Variants in LAMA2 observed in about 807,000 individuals in gnomAD.
LAMA2 encodes laminin subunit alpha 2.
A neutral mutation model predicts 364.8 loss-of-function variants in LAMA2; 269 were observed. The observed-to-expected ratio is 0.74, with a 90% CI of 0.67 to 0.82. The LOEUF is 0.82. Among genes scored for constraint, LAMA2 ranks in the 40% least tolerant of loss-of-function variants. The pLI, the probability that LAMA2 is intolerant of heterozygous loss-of-function variation, is 0.00. For synonymous variants in LAMA2, 1,379 were observed against 1,370.6 expected (o/e 1.01, Z -0.14); for missense variants, 3,807 against 3,873.2 (o/e 0.98, Z 0.45).
intron 19 of LAMA2, among the ~76,000 whole-genome samples, chr6:129,290,700 A>G (rs1789633257): frequency 6.6e-6 from 1 of 152,168 alleles, no homozygotes; most frequent in East Asian, 1.9e-4. Flanking sequence ...CATTAAAAAT[A>G]TAGGGTACAT....
intron 1 of LAMA2, among the ~76,000 whole-genome samples, chr6:129,028,368 A>C (rs745900058): frequency 4.0e-5 from 6 of 151,794 alleles, no homozygotes; most frequent in Non-Finnish European, 7.4e-5. Context: ...TACATTAGGC[A>C]GATATATTAT....
At chr6:129,342,654 A>C (rs1447464798) in intron 30 of LAMA2, among the ~76,000 whole-genome samples, 187 bp downstream of exon 30, 2 of 152,136 alleles carry the variant, frequency 1.3e-5, no homozygotes, top group East Asian at 3.9e-4. Context: ...TTTTCCTTTG[A>C]AACTCTGTCC....
intron 9 of LAMA2, among the ~76,000 whole-genome samples, chr6:129,177,052 T>C (rs1279625218): frequency 2.0e-5 from 3 of 152,204 alleles, no homozygotes; most frequent in African/African-American, 7.2e-5. Flanking sequence ...TTAGTTGTAT[T>C]CATTCATCCT....
chr6:129,250,586 T>G (rs1786108143), intron 13 of LAMA2, among the ~76,000 whole-genome samples: 1 of 152,172 alleles, frequency 6.6e-6, no homozygotes, highest in South Asian at 2.1e-4. Flanking sequence ...TTGTTTATAT[T>G]AGATAAAATA....
intron 12 of LAMA2, among the ~76,000 whole-genome samples, chr6:129,211,519 T>C (rs192965653): frequency 4.3e-4 from 65 of 152,318 alleles, no homozygotes; most frequent in African/African-American, 1.5e-3. Flanking sequence ...CAGAGACCAT[T>C]CTGGACTTAT....
intron 2 of LAMA2, among the ~76,000 whole-genome samples, chr6:129,056,971 G>A (rs887344610): frequency 2.0e-5 from 3 of 151,470 alleles, no homozygotes; most frequent in Non-Finnish European, 4.4e-5. Context: ...GACCTCAGGT[G>A]ATCTGCCCAC....
chr6:129,404,009 A>G (rs1429084433), intron 40 of LAMA2, 50 bp downstream of exon 40: 1 of 1,603,682 alleles, frequency 6.2e-7, no homozygotes, highest in Admixed American at 1.7e-5. Flanking sequence ...ACCTTTTTGA[A>G]TTTTTCAAAT....
chr6:129,321,835 TTAAAAA>T (rs1157863818), intron 28 of LAMA2, among the ~76,000 whole-genome samples: 1 of 152,172 alleles, frequency 6.6e-6, no homozygotes, highest in African/African-American at 2.4e-5. Flanking sequence ...GAAGTGCAAC[TTAAAAA>T]TAATGAGTAT....
chr6:129,254,745 A>T (rs140850450), intron 14 of LAMA2, among the ~76,000 whole-genome samples: 5 of 152,348 alleles, frequency 3.3e-5, no homozygotes, highest in African/African-American at 4.8e-5. Flanking sequence ...TTCTTTTAAG[A>T]ATATAAGAGA....
chr6:129,343,965 T>C (rs1776408053), intron 30 of LAMA2, among the ~76,000 whole-genome samples: 1 of 152,122 alleles, frequency 6.6e-6, no homozygotes, highest in African/African-American at 2.4e-5. Flanking sequence ...GTAACAGAAT[T>C]TGGAACATGG....
chr6:129,011,163 C>T (rs1784747706), intron 1 of LAMA2, among the ~76,000 whole-genome samples: 1 of 152,092 alleles, frequency 6.6e-6, no homozygotes, highest in Non-Finnish European at 1.5e-5. Context: ...GAATATGTCA[C>T]CCTGCTCATT....
At chr6:129,081,256 G>T (rs1335936458) in intron 3 of LAMA2, among the ~76,000 whole-genome samples, 2 of 151,766 alleles carry the variant, frequency 1.3e-5, no homozygotes, top group Non-Finnish European at 2.9e-5. Context: ...GGTGGGGTGA[G>T]GGGGGAGGGA....
chr6:129,507,575 T>A lies in LAMA2; in HGVS notation c.8790T>A (p.His2930Gln). Reference protein sequence around the residue: ...ADLEQPTSSFHVGTCFANAQR... With the variant: ...ADLEQPTSSFQVGTCFANAQR... ...TGGAACAACCCACCTCCAGCTTCCA[T>A]GTTGGGACATGTTTTGCAAATGCTC... Residue 2930 changes from histidine (H) to glutamine (Q), a missense_variant, in exon 62 of 65, where the codon CAT (histidine) becomes CAA (glutamine). Physicochemically the swap from His to Gln is conservative, Grantham distance 24. Around this residue, in one of 3 missense-constraint regions of LAMA2, gnomAD observed 3,333 missense variants for 3,345.7 expected, o/e 1.00. Coordinates refer to ENST00000421865, the MANE Select transcript of LAMA2 (RefSeq NM_000426.4). The A allele has an allele frequency of 6.2e-7, 1 of 1,614,216 alleles. No homozygotes were observed.
In LAMA2 at chr6:129,256,291, A is replaced by G. The variant is rs534137612; in HGVS notation, c.2096+3996A>G. Among the ~76,000 whole-genome samples, 3 of 152,280 alleles carry G rather than the reference A, an allele frequency of 2.0e-5. No homozygotes were observed. The South Asian group carries it at 6.2e-4, about 32-fold the overall frequency. The stretch of plus-strand genomic sequence containing the variant: ...TGAGCCTCAGATTCTTCATTTGTAA[A>G]TGTGAATAGACATGGGTTGTTACAT... On this transcript the variant is annotated intron_variant, in intron 14 of 64. Transcript: ENST00000421865.
chr6:129,345,162 T>C (rs902507363), intron 30 of LAMA2, among the ~76,000 whole-genome samples: 12 of 152,180 alleles, frequency 7.9e-5, no homozygotes, highest in African/African-American at 2.9e-4. Flanking sequence ...GGAGTTCCAA[T>C]GTCCAGGTTT....
rs56257418 is a variant in LAMA2, at chr6:129,506,511, A to G, written c.8704-978A>G. Among the ~76,000 whole-genome samples, 1,476 of 152,300 alleles carry G rather than the reference A, an allele frequency of 9.7e-3. 27 individuals are homozygous for G. Among genetic ancestry groups the G allele is most frequent in the African/African-American group, 0.033 (1,390 of 41,560 alleles). On this transcript the variant is annotated intron_variant, in intron 61 of 64. Transcript: ENST00000421865. ...TTGAGAGGTGCAGTAGTTACAGTAC[A>G]GTTATCCAATTTTGGATTCAGAATT...
At chr6:129,389,219 A>ATTTGT (rs1779187515) in intron 35 of LAMA2, among the ~76,000 whole-genome samples, 1 of 152,218 alleles carries the variant, frequency 6.6e-6, no homozygotes, top group Non-Finnish European at 1.5e-5. Flanking sequence ...AGGAATGGCC[A>ATTTGT]TATTTGTTCT....
chr6:129,165,215 AAAAT>A (rs1200239167), intron 8 of LAMA2, among the ~76,000 whole-genome samples: 1 of 151,676 alleles, frequency 6.6e-6, no homozygotes, highest in Non-Finnish European at 1.5e-5. Context: ...TTACATCTGG[AAAAT>A]AAATCTTGTA....
At chr6:129,131,813 T>C (rs1479013126) in intron 4 of LAMA2, among the ~76,000 whole-genome samples, 1 of 152,192 alleles carries the variant, frequency 6.6e-6, no homozygotes, top group Non-Finnish European at 1.5e-5. Flanking sequence ...TGAAACACTT[T>C]CTTAGAACTT....
Sources: gnomAD v4.1 joint callset for allele counts (sites outside exome capture counted in the v4.1 genomes callset) on GRCh38, gnomAD v4.1.1 for gene constraint, gnomAD v4.1.1 regional missense constraint, MANE v1.5 for transcripts, NCBI Gene and HGNC (gene_info 2026-07-23, HGNC 2026-07-21) for gene names.